The following DNAH10 variants were observed in gnomAD, a reference collection of about 807,000 sequenced individuals.
DNAH10 encodes axonemal beta dynein heavy chain 10.
A neutral mutation model predicts 506.6 loss-of-function variants in DNAH10; 348 were observed. That is an observed-to-expected ratio of 0.69 (90% confidence interval 0.63 to 0.75). DNAH10 has a LOEUF of 0.75. Among genes scored for constraint, DNAH10 ranks in the 30% least tolerant of loss-of-function variants. The probability of loss-of-function intolerance (pLI) is 0.00; values close to 1 mark genes in which losing one functional copy is unlikely to be tolerated. For missense variants in DNAH10, 5,179 were observed against 5,787.1 expected (o/e 0.89, Z 3.41); for synonymous variants, 2,059 against 2,198.6 (o/e 0.94, Z 1.78).
rs756124477 is a variant in DNAH10, at chr12:123,914,997, C to T, written c.10720C>T (p.Arg3574Trp). Residue 3574 changes from arginine to tryptophan, a missense_variant and splice_region_variant, in exon 62 of 79, where the codon CGG (arginine) becomes TGG (tryptophan). Physicochemically the swap from Arg to Trp is moderately radical, Grantham distance 101. Transcript: ENST00000673944. ...IKRKEEKNNL[R>W]VASFNDPDFL... ...GAGAAAAGAGGAGAAGAACAATCTG[C>T]GGGTATGGTGGCTCCTCCCAGGGCG... 14 of 1,604,376 alleles carry T rather than the reference C, an allele frequency of 8.7e-6. No homozygotes were observed. The highest frequency in any genetic ancestry group is 1.6e-4 in the Middle Eastern group (1 of 6,070).
intron 5 of DNAH10, among the ~76,000 whole-genome samples, chr12:123,778,229 A>G (rs538578312): frequency 6.6e-6 from 1 of 151,552 alleles, no homozygotes; most frequent in Non-Finnish European, 1.5e-5. Context: ...AAAATAAATA[A>G]GATGACATCA....
At chr12:123,770,170 C>T (rs2135969374) in intron 2 of DNAH10, among the ~76,000 whole-genome samples, 1 of 152,066 alleles carries the variant, frequency 6.6e-6, no homozygotes, top group East Asian at 1.9e-4. Context: ...ATTGCTTGAA[C>T]TCGGGAGGCG....
intron 17 of DNAH10, 43 bp downstream of exon 17, chr12:123,803,868 A>T (rs760783919): frequency 1.1e-5 from 18 of 1,573,652 alleles, no homozygotes; most frequent in Non-Finnish European, 1.6e-5. Flanking sequence ...AATTAATGAG[A>T]ACATATATTG....
chr12:123,783,295 G>C lies in DNAH10; in HGVS notation c.999+31G>C, dbSNP rs761886521. The C allele has an allele frequency of 1.9e-6, 3 of 1,609,814 alleles. No homozygotes were observed. In the South Asian group the frequency reaches 3.3e-5, roughly 18 times the overall value. On this transcript the variant is annotated intron_variant, in intron 7 of 78. Transcript: ENST00000673944. ...TTGTGCAGGGCTTTCAGAGAGCCCC[G>C]ATCCAGGTCATGCTTACCATGCTGG...
chr12:123,800,481 T>C, intron 15 of DNAH10, 93 bp downstream of exon 15: 1 of 1,220,610 alleles, frequency 8.2e-7, no homozygotes, highest in South Asian at 1.6e-5. Flanking sequence ...CTCCAAAAGC[T>C]TTCATTTTTG....
intron 7 of DNAH10, among the ~76,000 whole-genome samples, chr12:123,783,604 C>T (rs1957743146): frequency 6.6e-6 from 1 of 152,220 alleles, no homozygotes; most frequent in Admixed American, 6.5e-5. Flanking sequence ...GCTTCAGGTC[C>T]AGTCTGATCA....
At chr12:123,780,893 G>C (rs1262017141) in intron 5 of DNAH10, among the ~76,000 whole-genome samples, 187 bp from the exon 6 acceptor site, 1 of 140,498 alleles carries the variant, frequency 7.1e-6, no homozygotes, top group African/African-American at 2.7e-5. Flanking sequence ...AGGTTGCAGT[G>C]AGCCAAGTGC....
intron 44 of DNAH10, 121 bp downstream of exon 44, chr12:123,870,606 A>G: frequency 7.2e-7 from 1 of 1,388,850 alleles, no homozygotes; most frequent in Non-Finnish European, 9.6e-7. Context: ...GAGCTGGTAG[A>G]GAAGAATTGA....
chr12:123,822,197 ACT>A (rs1394688806), intron 24 of DNAH10, among the ~76,000 whole-genome samples: 2 of 152,050 alleles, frequency 1.3e-5, no homozygotes, highest in African/African-American at 4.8e-5. Flanking sequence ...ACAGAGTGAG[ACT>A]CTGTCTCAAA....
intron 43 of DNAH10, among the ~76,000 whole-genome samples, chr12:123,869,883 C>T (rs546862591): frequency 1.5e-4 from 23 of 152,324 alleles, no homozygotes; most frequent in African/African-American, 5.5e-4. Context: ...TCCCCTGCCC[C>T]GCCTGGGTTG....
chr12:123,880,041 G>T (rs1443572886), intron 50 of DNAH10, among the ~76,000 whole-genome samples: 2 of 152,174 alleles, frequency 1.3e-5, no homozygotes, highest in Non-Finnish European at 2.9e-5. Flanking sequence ...CCCATGGAGG[G>T]TCCCCAGATT....
At chr12:123,835,162 C>T (rs938505131) in intron 27 of DNAH10, among the ~76,000 whole-genome samples, 14 of 152,186 alleles carry the variant, frequency 9.2e-5, no homozygotes, top group Non-Finnish European at 2.9e-5. Context: ...CCTACCTGTG[C>T]TGGGCTGCAT....
At chr12:123,793,113 A>G (rs1958142895) in intron 11 of DNAH10, among the ~76,000 whole-genome samples, 1 of 152,060 alleles carries the variant, frequency 6.6e-6, no homozygotes, top group Non-Finnish European at 1.5e-5. Flanking sequence ...CCACTCTTTT[A>G]TAGAATGGAG....
At chr12:123,915,711 C>T (rs922201322) in intron 62 of DNAH10, among the ~76,000 whole-genome samples, 1 of 152,190 alleles carries the variant, frequency 6.6e-6, no homozygotes, top group Non-Finnish European at 1.5e-5. Context: ...GTCATTCCTT[C>T]CTTGGGCTGA....
Position 123,925,045 on chromosome 12 carries a change from C to T in DNAH10, c.11767-5C>T. 1 of 1,613,704 alleles carries T rather than the reference C, an allele frequency of 6.2e-7. No homozygotes were observed. Among genetic ancestry groups the T allele is most frequent in the South Asian group, 1.1e-5 (1 of 91,066 alleles). On this transcript the variant is annotated splice_polypyrimidine_tract_variant and splice_region_variant and intron_variant, in intron 67 of 78. Coordinates refer to ENST00000673944, the MANE Select transcript of DNAH10 (RefSeq NM_001372106.1). The surrounding 1 kb of genome is among the most constrained non-coding windows in gnomAD (Gnocchi z 4.0). ...CGCACAATGAATATTCTTTGCTTTTCCCAGTGGTATGACCTGGATTCACTG... is the reference window on the plus strand; with the variant it reads ...CGCACAATGAATATTCTTTGCTTTTTCCAGTGGTATGACCTGGATTCACTG...
At chr12:123,808,412 G>C (rs1482148619) in intron 18 of DNAH10, among the ~76,000 whole-genome samples, 1 of 152,184 alleles carries the variant, frequency 6.6e-6, no homozygotes, top group Non-Finnish European at 1.5e-5. Flanking sequence ...GGGAGACTGG[G>C]CTGGAGGCTG....
rs1280458496 is a variant in DNAH10 at position 123,881,799 on chromosome 12, A to G, written c.8809A>G (p.Thr2937Ala). The G allele has an allele frequency of 1.3e-6, 2 of 1,512,882 alleles. No homozygotes were observed. The highest frequency in any genetic ancestry group is 1.8e-6 in the Non-Finnish European group (2 of 1,130,550). The allele number at this position is 1,512,882 out of a possible 1,614,324, so 93.7% of individuals were successfully genotyped here. A position where few individuals can be genotyped will look rare whatever the true frequency, so the allele number is the denominator to read the frequency against. ...GTCTCTTTCGAGGCTGGCTGCCTTCACAGCCAGCTGTGAGGTCAGTCCACG... is the reference window on the plus strand; with the variant it reads ...GTCTCTTTCGAGGCTGGCTGCCTTCGCAGCCAGCTGTGAGGTCAGTCCACG... Reference protein sequence around the residue: ...KQSLSRLAAFTASCEVFEILL... With the variant: ...KQSLSRLAAFAASCEVFEILL... The change falls in exon 51 of 79, where the codon ACA (threonine) becomes GCA (alanine). Residue 2937 changes from threonine (T) to alanine (A), a missense_variant. Around this residue, in one of 3 missense-constraint regions of DNAH10, gnomAD observed 4,844 missense variants for 5,430.5 expected, o/e 0.89. Transcript: ENST00000673944.
At chr12:123,766,776 A>G (rs1265109100) in intron 1 of DNAH10, among the ~76,000 whole-genome samples, 1 of 152,092 alleles carries the variant, frequency 6.6e-6, no homozygotes, top group Non-Finnish European at 1.5e-5. Context: ...GACATTTGAT[A>G]TTGGCCATTT....
At position 123,802,934 on chromosome 12, in the gene DNAH10, A is replaced by T. The variant is rs569766755; in HGVS notation, c.2615-727A>T. Among the ~76,000 whole-genome samples, 3 of 151,162 alleles carry T rather than the reference A, an allele frequency of 2.0e-5. No individual in the cohort carries two copies. In the East Asian group the frequency reaches 5.9e-4, roughly 30 times the overall value. On this transcript the variant is annotated intron_variant, in intron 16 of 78. Coordinates refer to ENST00000673944, the MANE Select transcript of DNAH10 (RefSeq NM_001372106.1). ...TCTAATTAGATTGTTTGTTTTCTTT[A>T]CTGTTGAGTTTTGAGCATCCTTGGT...
Sources: allele counts gnomAD v4.1 joint callset (sites outside exome capture counted in the v4.1 genomes callset), GRCh38; gene constraint gnomAD v4.1.1; regional missense constraint gnomAD v4.1.1; non-coding constraint Gnocchi (gnomAD v3.1); transcripts MANE v1.5; gene names NCBI Gene and HGNC (gene_info 2026-07-23, HGNC 2026-07-21).